Variants in CCSER1 observed in about 807,000 individuals in gnomAD.
CCSER1 encodes coiled-coil serine rich protein 1, also known as serine-rich coiled-coil domain-containing protein 1.
CCSER1 carries 41 observed loss-of-function variants against 82.0 expected under a neutral mutation model. The ratio of observed to expected loss-of-function variants is 0.50; its 90% confidence interval spans 0.39 to 0.65. CCSER1 has a LOEUF of 0.65. CCSER1 is among the 30% of genes least tolerant of loss of function. The probability of loss-of-function intolerance (pLI) is 0.00; values close to 1 mark genes in which losing one functional copy is unlikely to be tolerated. For synonymous variants in CCSER1, 414 were observed against 383.9 expected (o/e 1.08, Z -0.92); for missense variants, 1,119 against 1,064.2 (o/e 1.05, Z -0.72).
chr4:90,155,623 A>G (rs1375532243), intron 1 of CCSER1, among the ~76,000 whole-genome samples: 2 of 152,084 alleles, frequency 1.3e-5, no homozygotes, highest in East Asian at 1.9e-4. Flanking sequence ...TGTATGTGTC[A>G]AGGAATTTAT....
At chr4:91,148,773 T>C (rs1164176118) in intron 10 of CCSER1, among the ~76,000 whole-genome samples, 5 of 152,160 alleles carry the variant, frequency 3.3e-5, no homozygotes, top group Non-Finnish European at 5.9e-5. Flanking sequence ...CTGAGAATGA[T>C]GGTTTCTAGC....
rs192398859 is a variant in CCSER1 at position 90,620,395 on chromosome 4, T to C, written c.1725-7630T>C. ...CTTTCCTATATATTAAATGGAGATA[T>C]TATACATGATGGACTATTATTCTTT... On this transcript the variant is annotated intron_variant, in intron 5 of 10. Coordinates refer to ENST00000509176, the MANE Select transcript of CCSER1 (RefSeq NM_001145065.2). Among the ~76,000 whole-genome samples the C allele has an allele frequency of 3.6e-3, 549 of 152,266 alleles. 4 individuals are homozygous for C. The highest frequency in any genetic ancestry group is 8.7e-3 in the Admixed American group (133 of 15,290).
intron 10 of CCSER1, among the ~76,000 whole-genome samples, chr4:91,220,420 T>C (rs1581793154): frequency 6.6e-6 from 1 of 152,192 alleles, no homozygotes; most frequent in Non-Finnish European, 1.5e-5. Flanking sequence ...AAATTGACTT[T>C]TTATGATTAT....
At position 91,488,949 on chromosome 4, in the gene CCSER1, A is replaced by G. The variant is rs1228690246; in HGVS notation, c.2218-109623A>G. Among the ~76,000 whole-genome samples the G allele has an allele frequency of 2.0e-5, 3 of 152,190 alleles. No individual in the cohort carries two copies. In the South Asian group the frequency reaches 6.2e-4, roughly 32 times the overall value. On this transcript the variant is annotated intron_variant, in intron 10 of 10. Coordinates refer to ENST00000509176, the MANE Select transcript of CCSER1 (RefSeq NM_001145065.2). ...ATTTGTTAGGAAGTCATAAGTTTCA[A>G]GCATCAAAAAACACAAATGAAAAGA...
At chr4:90,508,385 C>A (rs796270590) in intron 5 of CCSER1, among the ~76,000 whole-genome samples, 10 of 151,794 alleles carry the variant, frequency 6.6e-5, no homozygotes, top group African/African-American at 2.4e-4. Context: ...TTCATTTAGA[C>A]CTCACAGACT....
At chr4:91,092,583 T>C (rs1724075776) in intron 10 of CCSER1, among the ~76,000 whole-genome samples, 1 of 152,174 alleles carries the variant, frequency 6.6e-6, no homozygotes, top group Admixed American at 6.5e-5. Flanking sequence ...GTGTGAGATG[T>C]AGAAATACTG....
At chr4:90,633,183 A>T (rs1409020685) in intron 6 of CCSER1, among the ~76,000 whole-genome samples, 2 of 152,086 alleles carry the variant, frequency 1.3e-5, no homozygotes, top group Admixed American at 1.3e-4. Flanking sequence ...TTATTAATAA[A>T]TAAATGAAAG....
rs551694761 is a variant in CCSER1, at chr4:90,204,045, TTTCTC to T, written c.-42+76217_-42+76221del. Among the ~76,000 whole-genome samples the T allele has an allele frequency of 4.1e-3, 624 of 152,328 alleles. 6 individuals carry two copies. The highest frequency in any genetic ancestry group is 0.015 in the African/African-American group (603 of 41,574). On this transcript the variant is annotated intron_variant, in intron 1 of 10. Coordinates refer to ENST00000509176, the MANE Select transcript of CCSER1 (RefSeq NM_001145065.2). ...CCCACTTTTGGATGGGGTTGTTTGT[TTTCTC>T]TTGTAAATTTGTTTAAGTTCCTTAT... is the stretch of plus-strand genomic sequence containing the variant.
At chr4:90,588,009 T>TAA (rs1666662033) in intron 5 of CCSER1, among the ~76,000 whole-genome samples, 3 of 152,218 alleles carry the variant, frequency 2.0e-5, no homozygotes, top group Admixed American at 2.0e-4. Context: ...GCGATAGCAT[T>TAA]ATGTCTAAAA....
At chr4:90,424,893 C>T (rs1757316034) in intron 4 of CCSER1, among the ~76,000 whole-genome samples, 1 of 152,228 alleles carries the variant, frequency 6.6e-6, no homozygotes, top group South Asian at 2.1e-4. Context: ...ATAGCACCAA[C>T]ATCAGTGCTG....
intron 10 of CCSER1, among the ~76,000 whole-genome samples, chr4:91,114,821 A>T (rs1726406371): frequency 1.3e-5 from 2 of 152,206 alleles, no homozygotes; most frequent in African/African-American, 4.8e-5. Context: ...GTTATTGTTA[A>T]TTATTAAAAG....
At position 90,951,618 on chromosome 4, in the gene CCSER1, A is replaced by G. The variant is rs1037458243; in HGVS notation, c.2172+28171A>G. 2.0e-5 allele frequency among the ~76,000 whole-genome samples: 3 copies of G among 152,124 alleles called. No individual in the cohort carries two copies. In the East Asian group the frequency reaches 5.8e-4, roughly 29 times the overall value. On this transcript the variant is annotated intron_variant, in intron 9 of 10. Coordinates refer to ENST00000509176, the MANE Select transcript of CCSER1 (RefSeq NM_001145065.2). ...ACATGATAAAAAATGTACGAAGTAC[A>G]TTTGTAAATATTAATGAAGAGATGT...
chr4:91,097,973 A>G (rs1291899070), intron 10 of CCSER1, among the ~76,000 whole-genome samples: 1 of 152,222 alleles, frequency 6.6e-6, no homozygotes, highest in Non-Finnish European at 1.5e-5. Context: ...GCTGAAAACC[A>G]TAAATAGGAA....
chr4:90,915,533 C>T (rs1160155922), intron 8 of CCSER1, among the ~76,000 whole-genome samples: 5 of 152,102 alleles, frequency 3.3e-5, no homozygotes, highest in African/African-American at 4.8e-5. Context: ...TAAGAGCTAT[C>T]TATGACAAAC....
intron 10 of CCSER1, among the ~76,000 whole-genome samples, chr4:91,500,405 C>T (rs976664890): frequency 6.6e-6 from 1 of 152,008 alleles, no homozygotes; most frequent in Middle Eastern, 3.4e-3. Context: ...ATATTTTCTC[C>T]TGGTATATGA....
At position 90,552,379 on chromosome 4, in the gene CCSER1, A is replaced by G. The variant is rs577926282; in HGVS notation, c.1725-75646A>G. On this transcript the variant is annotated intron_variant, in intron 5 of 10. Coordinates refer to ENST00000509176, the MANE Select transcript of CCSER1 (RefSeq NM_001145065.2). Reference sequence around the variant, plus strand: ...ATAAAGATTAAAATATAAAAATATTAGATTGTAGAAATATGATATAAATTT... The same window carrying G: ...ATAAAGATTAAAATATAAAAATATTGGATTGTAGAAATATGATATAAATTT... Among the ~76,000 whole-genome samples, 10 of 152,360 alleles carry G rather than the reference A, an allele frequency of 6.6e-5. No homozygotes were observed. In the South Asian group the frequency reaches 1.9e-3, roughly 28 times the overall value.
chr4:91,379,589 G>T (rs918433923), intron 10 of CCSER1, among the ~76,000 whole-genome samples: 1 of 152,076 alleles, frequency 6.6e-6, no homozygotes, highest in Non-Finnish European at 1.5e-5. Context: ...CTGTGGGATT[G>T]GTGGTGATAT....
intron 7 of CCSER1, among the ~76,000 whole-genome samples, chr4:90,767,946 C>A (rs149332664): frequency 6.6e-6 from 1 of 152,246 alleles, no homozygotes; most frequent in East Asian, 1.9e-4. Context: ...GGCCACCATG[C>A]CTGACCAAAC....
chr4:91,484,645 G>A (rs1758122685), intron 10 of CCSER1, among the ~76,000 whole-genome samples: 1 of 152,056 alleles, frequency 6.6e-6, no homozygotes, highest in African/African-American at 2.4e-5. Flanking sequence ...TCTATTGGAA[G>A]ACAAGTGATT....
Sources: allele counts gnomAD v4.1 joint callset (sites outside exome capture counted in the v4.1 genomes callset), GRCh38; gene constraint gnomAD v4.1.1; transcripts MANE v1.5; gene names NCBI Gene and HGNC (gene_info 2026-07-23, HGNC 2026-07-21).